Variants in PEX1 observed in about 807,000 individuals in gnomAD.
The protein encoded by PEX1 is peroxisomal biogenesis factor 1.
A neutral mutation model predicts 152.5 loss-of-function variants in PEX1; 97 were observed. The observed-to-expected ratio is 0.64, with a 90% CI of 0.54 to 0.75. PEX1 has a LOEUF of 0.75. Among genes scored for constraint, PEX1 ranks in the 30% least tolerant of loss-of-function variants. The pLI is 0.00. For missense variants in PEX1, 1,357 were observed against 1,516.3 expected, an observed-to-expected ratio of 0.89 and a Z score of 1.74; for synonymous variants, 485 against 531.6, an observed-to-expected ratio of 0.91 and a Z score of 1.21.
At chr7:92,506,919 T>C (rs1792217609) in intron 10 of PEX1, 75 bp downstream of exon 10, 8 of 1,488,906 alleles carry the variant, frequency 5.4e-6, no homozygotes, top group Non-Finnish European at 9.4e-7. Flanking sequence ...ATATAATAGA[T>C]GGTCAAAACC....
In PEX1 at chr7:92,528,291, G is replaced by A. The variant is rs376609246; in HGVS notation, c.129+16C>T. 4 of 1,551,184 alleles carry A rather than the reference G, an allele frequency of 2.6e-6. No homozygotes were observed. The highest frequency in any genetic ancestry group is 1.4e-5 in the African/African-American group (1 of 73,318). On this transcript the variant is annotated intron_variant, in intron 1 of 23. Transcript: ENST00000248633. ...CCCCAGGCTGAAGATCAGGTGGCTC[G>A]GGGCCGGCAGGTTACCTGCAGCAGA...
In PEX1 at chr7:92,518,209, C is replaced by A; in HGVS notation, c.404G>T (p.Arg135Leu). ...AAAAATGGCTTTTGGAAAAACTATT[C>A]GAATTTGATCTAGAAGATGTTGTTC... ...SLEQHLLDQI[R>L]IVFPKAIFPV... The change falls in exon 4 of 24, where the codon CGA becomes CTA. Residue 135 changes from arginine to leucine, a missense_variant. Transcript: ENST00000248633. 6.2e-7 allele frequency: 1 copy of A among 1,613,502 alleles called. No homozygotes were observed.
At chr7:92,488,021 T>G (rs1217996046) in intron 23 of PEX1, among the ~76,000 whole-genome samples, 1 of 152,226 alleles carries the variant, frequency 6.6e-6, no homozygotes, top group Admixed American at 6.5e-5. Flanking sequence ...GTGCATATAT[T>G]CAGCTGCAAG....
At chr7:92,512,229 C>T (rs1792507002) in intron 6 of PEX1, among the ~76,000 whole-genome samples, 1 of 152,128 alleles carries the variant, frequency 6.6e-6, no homozygotes, top group South Asian at 2.1e-4. Context: ...ACCATGTTGG[C>T]CAGGCTGGTC....
rs61750404 is a variant in PEX1, at chr7:92,517,725, ATG to A, written c.788_789del (p.Thr263IlefsTer6). On this transcript the variant is annotated frameshift_variant, in exon 5 of 24. Coordinates refer to ENST00000248633, the MANE Select transcript of PEX1 (RefSeq NM_000466.3). LOFTEE classifies it high-confidence loss of function. ...FSFQSEKKQE[T>X]SWGLTEINAF... ...GCATTGATTTCAGTTAAACCCCAAG[ATG>A]TCTCTTGTTTCTTCTCAGATTGAAA... The A allele has an allele frequency of 6.2e-7, 1 of 1,611,432 alleles. No individual in the cohort carries two copies. Among genetic ancestry groups the A allele is most frequent in the Non-Finnish European group, 8.5e-7 (1 of 1,178,270 alleles).
At chr7:92,499,128 A>G (rs1791799133) in intron 16 of PEX1, among the ~76,000 whole-genome samples, 1 of 152,204 alleles carries the variant, frequency 6.6e-6, no homozygotes, top group Admixed American at 6.5e-5. Flanking sequence ...GCTAGTGGGA[A>G]TGGTGCAGTT....
chr7:92,496,586 C>G, intron 17 of PEX1, 127 bp downstream of exon 17: 2 of 754,710 alleles, frequency 2.7e-6, no homozygotes, highest in South Asian at 1.4e-5. Context: ...CGTCCTCTAG[C>G]TTATTAATAA....
At chr7:92,512,313 C>T (rs770144928) in intron 6 of PEX1, among the ~76,000 whole-genome samples, 4 of 151,832 alleles carry the variant, frequency 2.6e-5, no homozygotes, top group African/African-American at 7.3e-5. Context: ...TGAGCCACCA[C>T]GTCTGGCCTA....
chr7:92,510,592 T>C (rs1479576711), intron 8 of PEX1, among the ~76,000 whole-genome samples: 1 of 152,052 alleles, frequency 6.6e-6, no homozygotes, highest in Non-Finnish European at 1.5e-5. Flanking sequence ...TGCAGTAAAA[T>C]TGCATGTAAA....
Position 92,509,323 on chromosome 7 carries a change from T to A in PEX1, c.1670+6A>T, listed in dbSNP as rs1212377666. 6.2e-7 allele frequency: 1 copy of A among 1,603,672 alleles called. No individual in the cohort carries two copies. Among genetic ancestry groups the A allele is most frequent in the Non-Finnish European group, 8.5e-7 (1 of 1,171,012 alleles). On this transcript the variant is annotated splice_donor_region_variant and intron_variant, in intron 9 of 23. Coordinates refer to ENST00000248633, the MANE Select transcript of PEX1 (RefSeq NM_000466.3). ...CTAACATGCTAGTTTGGCCATAACT[T>A]CTTACCCCAAAGAGCTCAGCTTTAA...
rs1792468652 is a variant in PEX1, at chr7:92,511,587, A to C, written c.1476T>G (p.Thr492=). ...ISEEEFIKLE[T]KDGLKEFSLS... is the part of the protein sequence containing the mutation. ...AATAACAAATGTACTCACCATCTTT[A>C]GTTTCCAGCTTAATAAATTCTTCCT... The change falls in exon 7 of 24, where the codon ACT becomes ACG. Residue 492 remains threonine, a synonymous_variant. Transcript: ENST00000248633. 3 of 1,610,566 alleles carry C rather than the reference A, an allele frequency of 1.9e-6. No homozygotes were observed. Among genetic ancestry groups the C allele is most frequent in the Non-Finnish European group, 2.5e-6 (3 of 1,177,482 alleles).
chr7:92,495,654 T>TC (rs1378889537), intron 17 of PEX1, among the ~76,000 whole-genome samples: 1 of 152,166 alleles, frequency 6.6e-6, no homozygotes, highest in Non-Finnish European at 1.5e-5. Flanking sequence ...TAGCGATGTT[T>TC]CCCTTTTTAT....
At chr7:92,512,347 T>G (rs1792514270) in intron 6 of PEX1, among the ~76,000 whole-genome samples, 1 of 150,768 alleles carries the variant, frequency 6.6e-6, no homozygotes, top group Non-Finnish European at 1.5e-5. Flanking sequence ...AAAAATTTTT[T>G]TTGAGATATT....
intron 1 of PEX1, among the ~76,000 whole-genome samples, chr7:92,526,934 A>ATAAAACATG (rs1554377741): frequency 6.6e-6 from 1 of 152,216 alleles, no homozygotes; most frequent in Non-Finnish European, 1.5e-5. Flanking sequence ...TATAAAACAT[A>ATAAAACATG]AATTCTATAA....
At position 92,527,653 on chromosome 7, in the gene PEX1, G is replaced by T. The variant is rs368864184; in HGVS notation, c.129+654C>A. ...TACACTCAAACTCGTGAGACCATGT[G>T]CCTCTATTTTTAATTATGAAAATAT... On this transcript the variant is annotated intron_variant, in intron 1 of 23. Transcript: ENST00000248633. 1.3e-4 allele frequency among the ~76,000 whole-genome samples: 20 copies of T among 152,336 alleles called. No individual in the cohort carries two copies. The East Asian group carries it at 2.5e-3, about 19-fold the overall frequency.
At chr7:92,526,400 T>C (rs1268103529) in intron 1 of PEX1, among the ~76,000 whole-genome samples, 1 of 152,222 alleles carries the variant, frequency 6.6e-6, no homozygotes, top group Non-Finnish European at 1.5e-5. Flanking sequence ...ATGATCTGTA[T>C]TATGCACTCA....
At chr7:92,501,730 A>T (rs1396501339) in intron 14 of PEX1, 57 bp from the exon 15 acceptor site, 1 of 1,474,202 alleles carries the variant, frequency 6.8e-7, no homozygotes, top group African/African-American at 1.4e-5. Flanking sequence ...ATGAATTTTC[A>T]AAATATGCCA....
rs1792610006 is a variant in PEX1, at chr7:92,514,091, T to C, written c.1240-124A>G. ...GGTGAAATAACAGAAGCTATCATAA[T>C]AACTCATAGTTGTCTCAGTCCATGC... On this transcript the variant is annotated intron_variant, in intron 5 of 23. Coordinates refer to ENST00000248633, the MANE Select transcript of PEX1 (RefSeq NM_000466.3). The C allele has an allele frequency of 7.7e-6, 5 of 646,088 alleles. No homozygotes were observed. The Admixed American group carries it at 8.6e-5, about 11-fold the overall frequency. The allele number at this position is 646,088 out of a possible 1,614,324, so 40.0% of individuals were successfully genotyped here.
At chr7:92,510,315 A>T (rs1372836094) in intron 8 of PEX1, among the ~76,000 whole-genome samples, 2 of 151,572 alleles carry the variant, frequency 1.3e-5, no homozygotes, top group Non-Finnish European at 2.9e-5. Context: ...AACATACAAA[A>T]ATTAGCCAGG....
Sources: allele counts gnomAD v4.1 joint callset (sites outside exome capture counted in the v4.1 genomes callset), GRCh38; gene constraint gnomAD v4.1.1; transcripts MANE v1.5; gene names NCBI Gene and HGNC (gene_info 2026-07-23, HGNC 2026-07-21).